Variants in CFAP299 observed in about 807,000 individuals in gnomAD.
CFAP299 encodes the protein cilia and flagella associated protein 299.
A neutral mutation model predicts 27.0 loss-of-function variants in CFAP299; 21 were observed. The ratio of observed to expected loss-of-function variants is 0.78; its 90% CI spans 0.55 to 1.12. CFAP299 has a LOEUF of 1.12. Ranked by LOEUF, CFAP299 falls within the 50% of genes most tolerant of loss-of-function variation. CFAP299 has a pLI of 0.00. For synonymous variants in CFAP299, 104 were observed against 98.1 expected, an observed-to-expected ratio of 1.06 and a Z score of -0.36; for missense variants, 310 against 276.6, an observed-to-expected ratio of 1.12 and a Z score of -0.86.
chr4:80,532,033 G>T (rs1270269680), intron 2 of CFAP299, among the ~76,000 whole-genome samples: 1 of 152,130 alleles, frequency 6.6e-6, no homozygotes, highest in Non-Finnish European at 1.5e-5. Context: ...TGGGATTACA[G>T]GCGTGAGCCA....
chr4:80,682,469 C>A (rs1298654157), intron 3 of CFAP299, among the ~76,000 whole-genome samples: 1 of 152,094 alleles, frequency 6.6e-6, no homozygotes, highest in African/African-American at 2.4e-5. Flanking sequence ...TTCAACCAAC[C>A]CCTTTGGTTA....
At chr4:80,341,931 C>G (rs1722479334) in intron 1 of CFAP299, among the ~76,000 whole-genome samples, 1 of 152,178 alleles carries the variant, frequency 6.6e-6, no homozygotes, top group East Asian at 1.9e-4. Flanking sequence ...CATGATAAAA[C>G]AGTACAGGAG....
chr4:80,702,775 G>GT, intron 3 of CFAP299, among the ~76,000 whole-genome samples: 2 of 151,894 alleles, frequency 1.3e-5, no homozygotes, highest in East Asian at 3.9e-4. Flanking sequence ...TGCTAGCAAG[G>GT]TTTAAACCTT....
At chr4:80,881,320 C>A (rs1733694226) in intron 4 of CFAP299, among the ~76,000 whole-genome samples, 2 of 152,200 alleles carry the variant, frequency 1.3e-5, no homozygotes, top group African/African-American at 2.4e-5. Context: ...GGGGCCTTAT[C>A]TCCTGCAACT....
intron 4 of CFAP299, among the ~76,000 whole-genome samples, chr4:80,874,125 TA>T (rs374754016): frequency 1.2e-3 from 188 of 152,302 alleles, no homozygotes; most frequent in Non-Finnish European, 1.9e-3. Flanking sequence ...AATAAAGCAG[TA>T]AATGAACCCA....
intron 2 of CFAP299, among the ~76,000 whole-genome samples, chr4:80,397,601 A>G (rs977348595): frequency 4.9e-4 from 74 of 152,290 alleles, no homozygotes; most frequent in African/African-American, 1.6e-3. Context: ...CATTATCTCA[A>G]TAGATGCAGA....
chr4:80,501,264 T>C (rs771326629), intron 2 of CFAP299, among the ~76,000 whole-genome samples: 6 of 151,852 alleles, frequency 4.0e-5, no homozygotes, highest in Non-Finnish European at 5.9e-5. Flanking sequence ...GAAACAAAAA[T>C]ATCAAAAATG....
intron 1 of CFAP299, among the ~76,000 whole-genome samples, chr4:80,360,762 C>T (rs1215255603): frequency 6.6e-6 from 1 of 152,110 alleles, no homozygotes; most frequent in Non-Finnish European, 1.5e-5. Flanking sequence ...TCCAGTGGAC[C>T]TGTAGATTTT....
At chr4:80,928,913 T>A (rs1303483755) in intron 4 of CFAP299, among the ~76,000 whole-genome samples, 1 of 152,140 alleles carries the variant, frequency 6.6e-6, no homozygotes, top group Non-Finnish European at 1.5e-5. Flanking sequence ...ATCATAACTC[T>A]CCTTGTATGT....
At chr4:80,793,681 A>G (rs944025810) in intron 3 of CFAP299, among the ~76,000 whole-genome samples, 2 of 152,196 alleles carry the variant, frequency 1.3e-5, no homozygotes, top group African/African-American at 4.8e-5. Flanking sequence ...TAAAGTTAAC[A>G]TCACTTAAAT....
intron 1 of CFAP299, among the ~76,000 whole-genome samples, chr4:80,360,838 C>T (rs989539324): frequency 6.6e-6 from 1 of 152,152 alleles, no homozygotes; most frequent in East Asian, 1.9e-4. Flanking sequence ...TGTTTGAGAC[C>T]TGCCAAGCCT....
intron 3 of CFAP299, among the ~76,000 whole-genome samples, chr4:80,770,759 G>A (rs1011966008): frequency 3.9e-5 from 6 of 152,002 alleles, no homozygotes; most frequent in African/African-American, 2.4e-5. Context: ...CCTCCCTCAG[G>A]TAGTTTGCCA....
chr4:80,534,331 AAC>A (rs1421990197), intron 2 of CFAP299, among the ~76,000 whole-genome samples: 3 of 151,408 alleles, frequency 2.0e-5, no homozygotes, highest in Admixed American at 1.3e-4. Context: ...AAAAAAAAAA[AAC>A]AACCAAAATT....
chr4:80,916,123 G>A (rs988962636), intron 4 of CFAP299, among the ~76,000 whole-genome samples: 28 of 150,594 alleles, frequency 1.9e-4, no homozygotes, highest in African/African-American at 5.6e-4. Flanking sequence ...TTAGCTGGGC[G>A]TGTTGGTGGG....
At chr4:80,473,184 G>A (rs1471978936) in intron 2 of CFAP299, among the ~76,000 whole-genome samples, 2 of 152,132 alleles carry the variant, frequency 1.3e-5, no homozygotes, top group Non-Finnish European at 2.9e-5. Context: ...CTCAGGTGTT[G>A]TGGGGCCAGG....
chr4:80,549,340 G>A (rs1282559759), intron 2 of CFAP299, among the ~76,000 whole-genome samples: 1 of 152,214 alleles, frequency 6.6e-6, no homozygotes, highest in South Asian at 2.1e-4. Flanking sequence ...CGAATGGATT[G>A]TAGATATATT....
chr4:80,593,075 G>A (rs1281025986), intron 3 of CFAP299, among the ~76,000 whole-genome samples: 1 of 152,114 alleles, frequency 6.6e-6, no homozygotes, highest in African/African-American at 2.4e-5. Context: ...TATTTTGTCT[G>A]GGAGAAGAAT....
intron 2 of CFAP299, among the ~76,000 whole-genome samples, chr4:80,572,008 T>C (rs1365751943): frequency 6.6e-6 from 1 of 152,200 alleles, no homozygotes; most frequent in African/African-American, 2.4e-5. Flanking sequence ...TACAGATACA[T>C]ATGAAACATC....
intron 3 of CFAP299, among the ~76,000 whole-genome samples, chr4:80,736,281 A>G (rs908245948): frequency 1.3e-5 from 2 of 152,074 alleles, no homozygotes; most frequent in African/African-American, 4.8e-5. Flanking sequence ...AAGGGATCCA[A>G]TTTCAGCTTT....
Sources: allele counts gnomAD v4.1 joint callset (sites outside exome capture counted in the v4.1 genomes callset), GRCh38; gene constraint gnomAD v4.1.1; transcripts MANE v1.5; gene names NCBI Gene and HGNC (gene_info 2026-07-23, HGNC 2026-07-21).